Variants in RFX3 observed in about 807,000 individuals in gnomAD.
The protein encoded by RFX3 is transcription factor RFX3.
A neutral mutation model predicts 98.6 loss-of-function variants in RFX3; 14 were observed. The ratio of observed to expected loss-of-function variants is 0.14; its 90% CI spans 0.09 to 0.22. The LOEUF is 0.22. Among genes scored for constraint, RFX3 ranks in the 10% least tolerant of loss-of-function variants. The pLI, the probability that RFX3 is intolerant of heterozygous loss-of-function variation, is 1.00. For missense variants in RFX3, 639 were observed against 926.9 expected, an observed-to-expected ratio of 0.69 and a Z score of 4.03; for synonymous variants, 383 against 328.4, an observed-to-expected ratio of 1.17 and a Z score of -1.80.
Position 3,321,100 on chromosome 9 carries a change from C to A in RFX3, c.474+9159G>T, listed in dbSNP as rs1015811767. ...CTATTTTTAGTGGAGATGGGGTTTT[C>A]ACCATGTTGGTCAGGCTGGTCTCGA... On this transcript the variant is annotated intron_variant, in intron 4 of 16. Transcript: ENST00000617270. Among the ~76,000 whole-genome samples, 9 of 151,986 alleles carry A rather than the reference C, an allele frequency of 5.9e-5. No homozygotes were observed. The East Asian group carries it at 1.8e-3, about 30-fold the overall frequency.
At chr9:3,522,996 T>A (rs1487184789) in intron 1 of RFX3, among the ~76,000 whole-genome samples, 1 of 152,142 alleles carries the variant, frequency 6.6e-6, no homozygotes, top group Admixed American at 6.5e-5. Context: ...CAAAAAAAAC[T>A]AACCATCACT....
Position 3,257,204 on chromosome 9 carries a change from G to C in RFX3, c.1606-5C>G. On this transcript the variant is annotated splice_polypyrimidine_tract_variant and splice_region_variant and intron_variant, in intron 13 of 16. Transcript: ENST00000617270. ...GCACACCCAGGAAGCCTGCTCCTGA[G>C]ACAGTAACACAGAAAGAAAAGGAAA... The C allele has an allele frequency of 3.1e-6, 5 of 1,613,512 alleles. No homozygotes were observed. The highest frequency in any genetic ancestry group is 4.2e-6 in the Non-Finnish European group (5 of 1,179,680).
chr9:3,234,970 G>C (rs571989751), intron 15 of RFX3, among the ~76,000 whole-genome samples: 1 of 152,218 alleles, frequency 6.6e-6, no homozygotes, highest in Non-Finnish European at 1.5e-5. Flanking sequence ...AGCTTTTAAA[G>C]ACAGAAATGA....
rs183099982 is a variant in RFX3 at position 3,334,339 on chromosome 9, C to G, written c.216-3822G>C. Among the ~76,000 whole-genome samples, 204 of 152,304 alleles carry G rather than the reference C, an allele frequency of 1.3e-3. 1 individual carries two copies. The highest frequency in any genetic ancestry group is 6.2e-4 in the Non-Finnish European group (42 of 68,016). On this transcript the variant is annotated intron_variant, in intron 3 of 16. Coordinates refer to ENST00000617270, the MANE Select transcript of RFX3 (RefSeq NM_001282116.2). ...AAAGGCAGGGCCATTTCAGAAGATA[C>G]TTACCACTTCGGATTGGAATTTTAG...
At chr9:3,272,914 T>C (rs761912087) in intron 9 of RFX3, among the ~76,000 whole-genome samples, 1 of 152,184 alleles carries the variant, frequency 6.6e-6, no homozygotes, top group Non-Finnish European at 1.5e-5. Flanking sequence ...TAAAAATATG[T>C]ACTGTAGGAA....
chr9:3,319,508 C>T lies in RFX3; in HGVS notation c.474+10751G>A, dbSNP rs148831844. 2.1e-3 allele frequency among the ~76,000 whole-genome samples: 313 copies of T among 152,248 alleles called. 1 individual carries two copies. The highest frequency in any genetic ancestry group is 7.4e-3 in the African/African-American group (307 of 41,528). On this transcript the variant is annotated intron_variant, in intron 4 of 16. Coordinates refer to ENST00000617270, the MANE Select transcript of RFX3 (RefSeq NM_001282116.2). Reference sequence around the variant, plus strand: ...ATTATTTGCATTCATGATTCTCTTTCACTCTCTTGCTATCCAATCCTGCCC... The same window carrying T: ...ATTATTTGCATTCATGATTCTCTTTTACTCTCTTGCTATCCAATCCTGCCC...
intron 1 of RFX3, among the ~76,000 whole-genome samples, chr9:3,464,893 C>T (rs1478462516): frequency 6.6e-6 from 1 of 151,726 alleles, no homozygotes; most frequent in Non-Finnish European, 1.5e-5. Context: ...GATTTGAACA[C>T]ATAAACATGT....
chr9:3,499,077 G>A (rs1354788921), intron 1 of RFX3, among the ~76,000 whole-genome samples: 1 of 152,040 alleles, frequency 6.6e-6, no homozygotes. Flanking sequence ...TATTCAAAAT[G>A]TATCCTCAGA....
intron 15 of RFX3, among the ~76,000 whole-genome samples, chr9:3,230,184 C>G (rs1818284228): frequency 6.6e-6 from 1 of 152,160 alleles, no homozygotes; most frequent in South Asian, 2.1e-4. Flanking sequence ...TGTCATTTCA[C>G]CTTTATTTCT....
intron 2 of RFX3, among the ~76,000 whole-genome samples, chr9:3,378,209 A>G (rs1463527211): frequency 2.0e-5 from 3 of 152,148 alleles, no homozygotes; most frequent in Non-Finnish European, 4.4e-5. Context: ...ATATCTTCAA[A>G]TTGTTACATG....
At chr9:3,461,448 G>A (rs1188295172) in intron 1 of RFX3, among the ~76,000 whole-genome samples, 1 of 151,914 alleles carries the variant, frequency 6.6e-6, no homozygotes, top group African/African-American at 2.4e-5. Flanking sequence ...TCAAATCAGT[G>A]ACTAAGCAAT....
rs367792644 is a variant in RFX3, at chr9:3,516,330, G to A, written c.-9+9417C>T. 4.3e-4 allele frequency among the ~76,000 whole-genome samples: 66 copies of A among 152,274 alleles called. No homozygotes were observed. In the East Asian group the frequency reaches 0.012, roughly 27 times the overall value. ...CCCAAAGTGCTGGGATTACAGGCATGAGCCACCGCACCCAGCCTAAACTAA... is the reference window on the plus strand; with the variant it reads ...CCCAAAGTGCTGGGATTACAGGCATAAGCCACCGCACCCAGCCTAAACTAA... On this transcript the variant is annotated intron_variant, in intron 1 of 16. Transcript: ENST00000617270.
chr9:3,459,218 C>G (rs1847469608), intron 1 of RFX3, among the ~76,000 whole-genome samples: 1 of 152,142 alleles, frequency 6.6e-6, no homozygotes, highest in African/African-American at 2.4e-5. Flanking sequence ...ACACTACAGG[C>G]AATGAGCCAA....
At chr9:3,522,556 CGT>C (rs111656079) in intron 1 of RFX3, among the ~76,000 whole-genome samples, 18,244 of 144,424 alleles carry the variant, frequency 0.13, 1,607 homozygotes, top group East Asian at 0.53. Context: ...AGTGTGTGTG[CGT>C]GTGTGTGTGT....
At chr9:3,518,776 A>C (rs1024497498) in intron 1 of RFX3, among the ~76,000 whole-genome samples, 2 of 152,232 alleles carry the variant, frequency 1.3e-5, no homozygotes, top group Non-Finnish European at 2.9e-5. Context: ...CTATGATTTC[A>C]TATTATATAT....
chr9:3,393,256 G>T (rs944996091), intron 2 of RFX3, among the ~76,000 whole-genome samples: 1 of 152,132 alleles, frequency 6.6e-6, no homozygotes, highest in African/African-American at 2.4e-5. Context: ...TGGTTTGTGG[G>T]AGAATGGGGG....
intron 1 of RFX3, among the ~76,000 whole-genome samples, chr9:3,415,142 A>AAG (rs2132254683): frequency 1.5e-5 from 2 of 134,510 alleles, no homozygotes; most frequent in South Asian, 2.2e-4. Context: ...TCTTATCTAT[A>AAG]TACTATATAT....
chr9:3,231,172 G>C (rs1818394673), intron 15 of RFX3, among the ~76,000 whole-genome samples: 1 of 152,128 alleles, frequency 6.6e-6, no homozygotes, highest in South Asian at 2.1e-4. Context: ...AATACCTCTA[G>C]GTGTCTCTGG....
At chr9:3,365,429 T>G (rs898898255) in intron 2 of RFX3, among the ~76,000 whole-genome samples, 1 of 152,108 alleles carries the variant, frequency 6.6e-6, no homozygotes, top group East Asian at 1.9e-4. Context: ...ATACTCTTCA[T>G]AAAGACACCA....
Sources: allele counts gnomAD v4.1 joint callset (sites outside exome capture counted in the v4.1 genomes callset), GRCh38; gene constraint gnomAD v4.1.1; transcripts MANE v1.5; gene names NCBI Gene and HGNC (gene_info 2026-07-23, HGNC 2026-07-21).